Variants in DCX observed in about 807,000 individuals in gnomAD.
DCX encodes the protein doublecortin.
Under a neutral mutation model 20.9 loss-of-function variants are expected in DCX, and 4 were observed. That is an observed-to-expected ratio of 0.19 (90% CI 0.09 to 0.44). The LOEUF (loss-of-function observed/expected upper bound fraction) is 0.44, where lower values mean the gene tolerates loss of function less well. Among genes scored for constraint, DCX ranks in the 20% least tolerant of loss-of-function variants. DCX has a pLI of 0.99. For synonymous variants in DCX, 103 were observed against 111.4 expected, an observed-to-expected ratio of 0.92 and a Z score of 0.47; for missense variants, 133 against 296.9, an observed-to-expected ratio of 0.45 and a Z score of 4.06.
intron 5 of DCX, among the ~76,000 whole-genome samples, chrX:111,321,876 T>C (rs990358280): frequency 8.9e-6 from 1 of 111,738 alleles, no homozygotes; most frequent in Non-Finnish European, 1.9e-5. Context: ...GTACAGAAAA[T>C]AAAGGGACAG....
At chrX:111,333,004 G>A in intron 4 of DCX, 47 bp downstream of exon 4, 3 of 942,426 alleles carry the variant, frequency 3.2e-6, no homozygotes, top group Non-Finnish European at 4.6e-6. Context: ...CTAAAGGATA[G>A]AAGGGGAGAG....
At chrX:111,382,398 C>G (rs918156263) in intron 3 of DCX, among the ~76,000 whole-genome samples, 1 of 112,136 alleles carries the variant, frequency 8.9e-6, no homozygotes, top group Non-Finnish European at 1.9e-5. Flanking sequence ...GATTCTGATG[C>G]ACAGCCATGT....
At chrX:111,384,186 C>T in intron 3 of DCX, among the ~76,000 whole-genome samples, 2 of 111,455 alleles carry the variant, frequency 1.8e-5, no homozygotes, top group South Asian at 7.6e-4. Context: ...TACAACATTT[C>T]AGAAATATTG....
At chrX:111,375,232 A>AC (rs1925440991) in intron 3 of DCX, among the ~76,000 whole-genome samples, 1 of 108,797 alleles carries the variant, frequency 9.2e-6, no homozygotes, top group South Asian at 4.1e-4. Flanking sequence ...ACACACACAC[A>AC]AAAAAGGAAT....
intron 3 of DCX, among the ~76,000 whole-genome samples, chrX:111,365,378 A>G (rs754533196): frequency 9.1e-6 from 1 of 110,376 alleles, no homozygotes; most frequent in Non-Finnish European, 1.9e-5. Flanking sequence ...GTAGGTGTAT[A>G]TATTTATGGG....
chrX:111,406,098 G>A (rs879140412), intron 2 of DCX, among the ~76,000 whole-genome samples: 1 of 112,134 alleles, frequency 8.9e-6, no homozygotes, highest in Non-Finnish European at 1.9e-5. Flanking sequence ...ATTTCTGCAC[G>A]TCTCAAAACT....
rs199558792 is a variant in DCX, at chrX:111,367,165, C to G, written c.705+33825G>C. Among the ~76,000 whole-genome samples, 10 of 111,999 alleles carry G rather than the reference C, an allele frequency of 8.9e-5. No homozygotes were observed. The East Asian group carries it at 2.5e-3, about 29-fold the overall frequency. The stretch of plus-strand genomic sequence containing the variant: ...GAGGTAACCCCTCATGCATCTTTGT[C>G]TCTCTGGTTCTTTACTCTCTGGTGC... On this transcript the variant is annotated intron_variant, in intron 3 of 6. Transcript: ENST00000636035.
At position 111,410,017 on chromosome X, in the gene DCX, A is replaced by T. The variant is rs780439858; in HGVS notation, c.364+18T>A. On this transcript the variant is annotated intron_variant, in intron 2 of 6. Transcript: ENST00000636035. ...ATGCCACCTCCCACCAACGGCCACC[A>T]CCCACTATTTAAATTACCTTCCTCC... 8.3e-7 allele frequency: 1 copy of T among 1,211,006 alleles called. No individual in the cohort carries two copies. The highest frequency in any genetic ancestry group is 1.1e-6 in the Non-Finnish European group (1 of 895,193).
At chrX:111,319,688 C>T (rs765884931) in intron 5 of DCX, among the ~76,000 whole-genome samples, 193 of 112,298 alleles carry the variant, frequency 1.7e-3, no homozygotes, top group African/African-American at 5.8e-3. Flanking sequence ...CCTGACCTGT[C>T]GCACTCAAGG....
At chrX:111,390,434 G>C (rs1215807261) in intron 3 of DCX, among the ~76,000 whole-genome samples, 2 of 111,904 alleles carry the variant, frequency 1.8e-5, no homozygotes, top group Admixed American at 9.5e-5. Flanking sequence ...TATGTTTGTG[G>C]TAACTTACTA....
chrX:111,401,597 T>G (rs755413168), intron 2 of DCX, among the ~76,000 whole-genome samples: 20 of 112,041 alleles, frequency 1.8e-4, no homozygotes, highest in Non-Finnish European at 3.6e-4. Flanking sequence ...ATATCTAAAT[T>G]TAATATAACA....
At chrX:111,364,868 T>C (rs568636395) in intron 3 of DCX, among the ~76,000 whole-genome samples, 6 of 110,280 alleles carry the variant, frequency 5.4e-5, no homozygotes, top group Middle Eastern at 9.2e-3. Flanking sequence ...TTTTCAGTCT[T>C]ATTTATCTTG....
At chrX:111,344,043 T>C (rs1225255844) in intron 3 of DCX, among the ~76,000 whole-genome samples, 2 of 111,960 alleles carry the variant, frequency 1.8e-5, no homozygotes, top group African/African-American at 6.5e-5. Flanking sequence ...TTATGCATCA[T>C]GAACAAGTCG....
intron 3 of DCX, among the ~76,000 whole-genome samples, chrX:111,386,286 C>T (rs1250364399): frequency 9.0e-6 from 1 of 111,269 alleles, no homozygotes; most frequent in East Asian, 2.8e-4. Context: ...TGAACTGAAC[C>T]ACAGCCAGCG....
In DCX at chrX:111,314,173, A is replaced by G. The variant is rs1179089835; in HGVS notation, c.947-1437T>C. The stretch of plus-strand genomic sequence containing the variant: ...AGCGCAAGTGAGCTGAAAAATGGAC[A>G]CTTAAGCATTCACTGTCTGGCTTAT... On this transcript the variant is annotated intron_variant, in intron 5 of 6. Coordinates refer to ENST00000636035, the MANE Select transcript of DCX (RefSeq NM_001195553.2). Among the ~76,000 whole-genome samples, 4 of 111,780 alleles carry G rather than the reference A, an allele frequency of 3.6e-5. No homozygotes were observed. The East Asian group carries it at 8.5e-4, about 24-fold the overall frequency.
At chrX:111,398,957 CA>C (rs1332425294) in intron 3 of DCX, among the ~76,000 whole-genome samples, 1 of 110,116 alleles carries the variant, frequency 9.1e-6, no homozygotes. Context: ...TACTAAAATA[CA>C]AAAAAATTAG....
At chrX:111,311,085 A>G (rs1438987104) in intron 6 of DCX, among the ~76,000 whole-genome samples, 2 of 112,501 alleles carry the variant, frequency 1.8e-5, no homozygotes, top group African/African-American at 6.5e-5. Flanking sequence ...CAGTGGAACA[A>G]CAGAGGTAGA....
intron 3 of DCX, among the ~76,000 whole-genome samples, chrX:111,369,847 C>G (rs539865750): frequency 9.0e-6 from 1 of 111,563 alleles, no homozygotes; most frequent in South Asian, 3.8e-4. Flanking sequence ...TTTTAGGGTC[C>G]ACAACAGAGT....
intron 3 of DCX, among the ~76,000 whole-genome samples, chrX:111,353,245 C>A (rs1923468507): frequency 8.9e-6 from 1 of 111,961 alleles, no homozygotes; most frequent in Middle Eastern, 4.6e-3. Flanking sequence ...TTCAGTCACA[C>A]AATGCTGTGT....
Sources: allele counts gnomAD v4.1 joint callset (sites outside exome capture counted in the v4.1 genomes callset), GRCh38; gene constraint gnomAD v4.1.1; transcripts MANE v1.5; gene names NCBI Gene and HGNC (gene_info 2026-07-23, HGNC 2026-07-21).